The following MUSK variants were observed in gnomAD, a reference collection of about 807,000 sequenced individuals.
MUSK encodes muscle associated receptor tyrosine kinase, also known as muscle, skeletal receptor tyrosine-protein kinase.
Under a neutral mutation model 88.7 loss-of-function variants are expected in MUSK, and 55 were observed. That is an observed-to-expected ratio of 0.62 (90% confidence interval 0.50 to 0.78). The LOEUF (loss-of-function observed/expected upper bound fraction) is 0.78. MUSK is among the 30% of genes least tolerant of loss of function. The pLI, the probability that MUSK is intolerant of heterozygous loss-of-function variation, is 0.00. For missense variants in MUSK, 1,015 were observed against 1,074.3 expected (o/e 0.94, Z 0.77); for synonymous variants, 387 against 391.9 (o/e 0.99, Z 0.15).
intron 11 of MUSK, among the ~76,000 whole-genome samples, chr9:110,779,320 C>T (rs1467192286): frequency 6.6e-6 from 1 of 152,120 alleles, no homozygotes; most frequent in East Asian, 1.9e-4. Flanking sequence ...ATTATTTCAA[C>T]AATTTAGCTA....
chr9:110,752,117 CTAA>C (rs2077255765), intron 7 of MUSK, among the ~76,000 whole-genome samples: 1 of 152,098 alleles, frequency 6.6e-6, no homozygotes, highest in Non-Finnish European at 1.5e-5. Context: ...CGAGGCAGAC[CTAA>C]TAAGGGTGTG....
chr9:110,758,831 T>C (rs529416325), intron 7 of MUSK, among the ~76,000 whole-genome samples: 1 of 152,154 alleles, frequency 6.6e-6, no homozygotes, highest in East Asian at 1.9e-4. Flanking sequence ...AAAGAATAAA[T>C]ACCGAGGAAT....
At position 110,800,679 on chromosome 9, in the gene MUSK, T is replaced by C. The variant is rs1356667127; in HGVS notation, c.2301T>C (p.Arg767=). Reference sequence around the variant, plus strand: ...ATGAAAACGACGCTATCCCTATCCGTTGGATGCCACCAGAGTCCATTTTTT... The same window carrying C: ...ATGAAAACGACGCTATCCCTATCCGCTGGATGCCACCAGAGTCCATTTTTT... The part of the protein sequence containing the change: ...KANENDAIPI[R]WMPPESIFYN... Residue 767 remains arginine, a synonymous_variant, in exon 15 of 15, where the codon CGT becomes CGC. Transcript: ENST00000374448. 3.1e-6 allele frequency: 5 copies of C among 1,614,030 alleles called. No homozygotes were observed. In the African/African-American group the frequency reaches 4.0e-5, roughly 13 times the overall value.
At chr9:110,763,282 G>C (rs571122947) in intron 8 of MUSK, among the ~76,000 whole-genome samples, 1 of 151,886 alleles carries the variant, frequency 6.6e-6, no homozygotes, top group Non-Finnish European at 1.5e-5. Context: ...TGTTAATGTG[G>C]TATCAAAAAT....
At chr9:110,726,508 C>T (rs1015728809) in intron 5 of MUSK, among the ~76,000 whole-genome samples, 3 of 151,984 alleles carry the variant, frequency 2.0e-5, no homozygotes, top group African/African-American at 7.2e-5. Flanking sequence ...TGCAGTTGCC[C>T]TTGAACCCTG....
chr9:110,805,515 T>A lies in MUSK; in HGVS notation c.*4527T>A, dbSNP rs925214145. On this transcript the variant is annotated 3_prime_UTR_variant, in exon 15 of 15. Transcript: ENST00000374448. The stretch of plus-strand genomic sequence containing the variant: ...TATTATTTTTCTACTGGGTATATCT[T>A]TTTCTTGTTGCTTTGTAAGAGCACT... Among the ~76,000 whole-genome samples, 1 of 152,028 alleles carries A rather than the reference T, an allele frequency of 6.6e-6. No homozygotes were observed. The highest frequency in any genetic ancestry group is 2.4e-5 in the African/African-American group (1 of 41,470).
At chr9:110,784,585 A>G (rs79299353) in intron 11 of MUSK, among the ~76,000 whole-genome samples, 8 of 149,946 alleles carry the variant, frequency 5.3e-5, no homozygotes, top group East Asian at 2.0e-4. Context: ...TTTATCTCAG[A>G]AAAAAAAAAC....
At chr9:110,744,692 A>G (rs1018709119) in intron 6 of MUSK, among the ~76,000 whole-genome samples, 6 of 152,198 alleles carry the variant, frequency 3.9e-5, no homozygotes, top group African/African-American at 1.4e-4. Flanking sequence ...TAACAAGTCC[A>G]TCTCCTCACA....
In MUSK at chr9:110,687,171, G is replaced by A; in HGVS notation, c.261G>A (p.Leu87=). 1 of 1,613,742 alleles carries A rather than the reference G, an allele frequency of 6.2e-7. No homozygotes were observed. ...AGAATGGGCAGCTCCTCACCATCCTGAGTGTGGAAGACAGTGATGATGGCA... is the reference window on the plus strand; with the variant it reads ...AGAATGGGCAGCTCCTCACCATCCTAAGTGTGGAAGACAGTGATGATGGCA... ...IRENGQLLTI[L]SVEDSDDGIY... Residue 87 remains leucine, a synonymous_variant, in exon 3 of 15, where the codon CTG becomes CTA. Coordinates refer to ENST00000374448, the MANE Select transcript of MUSK (RefSeq NM_005592.4).
chr9:110,692,752 C>T (rs971023450), intron 3 of MUSK, among the ~76,000 whole-genome samples: 6 of 152,048 alleles, frequency 3.9e-5, no homozygotes, highest in African/African-American at 1.4e-4. Flanking sequence ...AACAAACTCA[C>T]TTGTATGATA....
chr9:110,689,743 T>TATATATAAAA (rs1417062202), intron 3 of MUSK, among the ~76,000 whole-genome samples: 1 of 74,140 alleles, frequency 1.3e-5, no homozygotes, highest in Non-Finnish European at 2.2e-5. Flanking sequence ...ATATATAATA[T>TATATATAAAA]TATATATTAT....
At chr9:110,705,888 A>G (rs528124841) in intron 5 of MUSK, among the ~76,000 whole-genome samples, 13 of 152,180 alleles carry the variant, frequency 8.5e-5, no homozygotes, top group Non-Finnish European at 1.6e-4. Context: ...ACCAGGGAAC[A>G]TCTTATTGTC....
At chr9:110,742,242 G>A (rs1046319819) in intron 6 of MUSK, among the ~76,000 whole-genome samples, 20 of 152,064 alleles carry the variant, frequency 1.3e-4, no homozygotes, top group African/African-American at 4.8e-4. Context: ...GGATTATGAG[G>A]TCAGGATGGA....
At chr9:110,782,588 G>A (rs2077779100) in intron 11 of MUSK, among the ~76,000 whole-genome samples, 1 of 152,058 alleles carries the variant, frequency 6.6e-6, no homozygotes, top group Non-Finnish European at 1.5e-5. Context: ...TGTTATATAT[G>A]GTGTGAGATG....
intron 9 of MUSK, among the ~76,000 whole-genome samples, chr9:110,771,956 A>T (rs1011557311): frequency 1.4e-4 from 21 of 152,122 alleles, no homozygotes; most frequent in African/African-American, 3.6e-4. Flanking sequence ...CATTTTGTTA[A>T]CGAGTTGTTA....
intron 6 of MUSK, 37 bp downstream of exon 6, chr9:110,734,412 A>T (rs1430920305): frequency 6.2e-7 from 1 of 1,612,364 alleles, no homozygotes; most frequent in Non-Finnish European, 8.5e-7. Context: ...TCTGGGGAAG[A>T]CCCATTGGTG....
rs932274353 is a variant in MUSK, at chr9:110,776,576, A to G, written c.1361-56A>G. The G allele has an allele frequency of 4.3e-6, 6 of 1,391,598 alleles. No individual in the cohort carries two copies. In the African/African-American group the frequency reaches 7.1e-5, roughly 17 times the overall value. The allele number at this position is 1,391,598 out of a possible 1,614,324, so 86.2% of individuals were successfully genotyped here. A position where few individuals can be genotyped will look rare whatever the true frequency, so the allele number is the denominator to read the frequency against. ...TTCTTAGCACTCACTCTCTCACAGA[A>G]TATGTGAGATATCTGGATGCTCACT... is the stretch of plus-strand genomic sequence containing the variant. On this transcript the variant is annotated intron_variant, in intron 10 of 14. Transcript: ENST00000374448.
chr9:110,800,428 T>C lies in MUSK; in HGVS notation c.2050T>C (p.Ser684Pro). ...GTGCAGCCTCAGTCACAGTGACTTG[T>C]CTATGAGGGCTCAGGTCTCCAGCCC... Reference protein sequence around the residue: ...TVCSLSHSDLSMRAQVSSPGP... With the variant: ...TVCSLSHSDLPMRAQVSSPGP... The change falls in exon 15 of 15, where the codon TCT becomes CCT. Residue 684 changes from serine to proline, a missense_variant. Physicochemically the swap from Ser to Pro is moderately conservative, Grantham distance 74. Transcript: ENST00000374448. 2 of 1,613,820 alleles carry C rather than the reference T, an allele frequency of 1.2e-6. No homozygotes were observed. Among genetic ancestry groups the C allele is most frequent in the Non-Finnish European group, 1.7e-6 (2 of 1,179,846 alleles).
intron 1 of MUSK, among the ~76,000 whole-genome samples, chr9:110,675,747 T>C (rs980370718): frequency 1.3e-5 from 2 of 150,182 alleles, no homozygotes; most frequent in African/African-American, 4.9e-5. Flanking sequence ...TTTTTGTATT[T>C]TTAGTAGAGA....
Sources: gnomAD v4.1 joint callset for allele counts (sites outside exome capture counted in the v4.1 genomes callset) on GRCh38, gnomAD v4.1.1 for gene constraint, MANE v1.5 for transcripts, NCBI Gene and HGNC (gene_info 2026-07-23, HGNC 2026-07-21) for gene names.